DIPK1B: variants seen among roughly 807,000 people sequenced by gnomAD.
The protein encoded by DIPK1B is family with sequence similarity 69 member B.
DIPK1B carries 17 observed loss-of-function variants against 20.7 expected under a neutral mutation model. The ratio of observed to expected loss-of-function variants is 0.82; its 90% CI spans 0.56 to 1.23. The LOEUF is 1.23. DIPK1B is among the 50% of genes most tolerant of loss of function. The pLI is 0.00. For synonymous variants in DIPK1B, 343 were observed against 276.5 expected (o/e 1.24, Z -2.39); for missense variants, 648 against 601.8 (o/e 1.08, Z -0.80).
At chr9:136,721,606 C>T (rs1039889617) in intron 2 of DIPK1B, 6 of 334,592 alleles carry the variant, frequency 1.8e-5, no homozygotes, top group African/African-American at 4.2e-5. Flanking sequence ...CTGGCCCTGG[C>T]GTGGGGTCGA....
Position 136,724,080 on chromosome 9 carries a change from T to A in DIPK1B, c.*306T>A, listed in dbSNP as rs1846665822. The stretch of plus-strand genomic sequence containing the variant: ...CCTGAGCCCCCATCGATGCTGTGTG[T>A]GGGACCCTTCGCCCCGCTGTGGATC... On this transcript the variant is annotated 3_prime_UTR_variant, in exon 5 of 5. Transcript: ENST00000371692. The A allele has an allele frequency of 2.7e-6, 1 of 373,290 alleles. No individual in the cohort carries two copies. Among genetic ancestry groups the A allele is most frequent in the Non-Finnish European group, 5.0e-6 (1 of 200,640 alleles). The allele number at this position is 373,290 out of a possible 1,614,324, so 23.1% of individuals were successfully genotyped here.
chr9:136,715,509 CCTG>C (rs1846483650), intron 1 of DIPK1B, among the ~76,000 whole-genome samples: 1 of 151,546 alleles, frequency 6.6e-6, no homozygotes, highest in Non-Finnish European at 1.5e-5. Flanking sequence ...CCAGGGGCTG[CCTG>C]CTTACTTTTT....
At position 136,722,319 on chromosome 9, in the gene DIPK1B, G is replaced by A. The variant is rs1268299296; in HGVS notation, c.483+18G>A. The A allele has an allele frequency of 1.2e-6, 2 of 1,605,708 alleles. No homozygotes were observed. The highest frequency in any genetic ancestry group is 1.7e-6 in the Non-Finnish European group (2 of 1,175,884). ...TCCTCAAGGTCAGGCAGCTCTCCTA[G>A]GGGGCAGGGCAGGAGTCCACACCAC... is the stretch of plus-strand genomic sequence containing the variant. On this transcript the variant is annotated intron_variant, in intron 4 of 4. Transcript: ENST00000371692.
chr9:136,718,078 G>A (rs957888215), intron 2 of DIPK1B, among the ~76,000 whole-genome samples: 1 of 151,968 alleles, frequency 6.6e-6, no homozygotes. Flanking sequence ...AGAGACCCCC[G>A]TGTGGTGTCC....
rs144346906 is a variant in DIPK1B at position 136,717,710 on chromosome 9, T to C, written c.197T>C (p.Ile66Thr). ...RCRGHVCQVV[I>T]CDQYRKGIIS... The stretch of plus-strand genomic sequence containing the variant: ...CGCGGCCATGTCTGCCAGGTGGTCA[T>C]TGTAAGTGTTGCTTGTGCGGGCTGG... The change falls in exon 2 of 5, where the codon ATT (isoleucine) becomes ACT (threonine). Residue 66 changes from isoleucine to threonine, a missense_variant and splice_region_variant. Transcript: ENST00000371692. 1.1e-5 allele frequency: 18 copies of C among 1,610,896 alleles called. No homozygotes were observed. The African/African-American group carries it at 2.1e-4, about 19-fold the overall frequency.
At chr9:136,717,821 G>A (rs879208913) in intron 2 of DIPK1B, 110 bp downstream of exon 2, 4 of 1,512,674 alleles carry the variant, frequency 2.6e-6, no homozygotes, top group Non-Finnish European at 1.8e-6. Flanking sequence ...GGCCCACGAG[G>A]CACGTGGGTT....
chr9:136,722,892 G>A (rs532762672), intron 4 of DIPK1B, 70 bp from the exon 5 acceptor site: 45 of 1,463,956 alleles, frequency 3.1e-5, no homozygotes, highest in African/African-American at 1.4e-4. Context: ...GGAGGACCAG[G>A]TAAAGGCCAG....
Position 136,722,134 on chromosome 9 carries a change from G to A in DIPK1B, c.316G>A (p.Gly106Arg), listed in dbSNP as rs1846613908. ...SVAPGQQVYS[G>R]LWRDKDVTIK... ...CTGTGGCCCTGTCCAGGTGTACAGC[G>A]GGCTCTGGCGGGACAAGGATGTAAC... The change falls in exon 4 of 5, where the codon GGG (glycine) becomes AGG (arginine). Residue 106 changes from glycine (G) to arginine (R), a missense_variant. Gly to Arg is a moderately radical substitution (Grantham distance 125). Coordinates refer to ENST00000371692, the MANE Select transcript of DIPK1B (RefSeq NM_152421.4). 2.5e-6 allele frequency: 4 copies of A among 1,613,872 alleles called. No individual in the cohort carries two copies. The highest frequency in any genetic ancestry group is 2.2e-5 in the East Asian group (1 of 44,886).
Position 136,723,224 on chromosome 9 carries a change from G to T in DIPK1B, c.746G>T (p.Arg249Leu). ...WHAAALPPLL[R>L]PLLPPALQGA... ...GCGGCCGCCCTTCCACCCCTGTTGCGCCCACTGCTGCCGCCTGCCCTGCAG... is the reference window on the plus strand; with the variant it reads ...GCGGCCGCCCTTCCACCCCTGTTGCTCCCACTGCTGCCGCCTGCCCTGCAG... The change falls in exon 5 of 5, where the codon CGC becomes CTC. Residue 249 changes from arginine (R) to leucine (L), a missense_variant. Coordinates refer to ENST00000371692, the MANE Select transcript of DIPK1B (RefSeq NM_152421.4). The T allele has an allele frequency of 1.2e-6, 2 of 1,611,994 alleles. No individual in the cohort carries two copies. Among genetic ancestry groups the T allele is most frequent in the Non-Finnish European group, 1.7e-6 (2 of 1,179,608 alleles).
Position 136,712,797 on chromosome 9 carries a change from T to C in DIPK1B, c.63+69T>C. 2 of 1,146,994 alleles carry C rather than the reference T, an allele frequency of 1.7e-6. No homozygotes were observed. The highest frequency in any genetic ancestry group is 2.2e-6 in the Non-Finnish European group (2 of 902,868). The allele number at this position is 1,146,994 out of a possible 1,614,324, so 71.1% of individuals were successfully genotyped here. A position where few individuals can be genotyped will look rare whatever the true frequency, so the allele number is the denominator to read the frequency against. On this transcript the variant is annotated intron_variant, in intron 1 of 4. Transcript: ENST00000371692. The surrounding 1 kb of genome is among the most constrained non-coding windows in gnomAD (Gnocchi z 5.6). ...GGGAGGCCGAGCTCCAGCCCCGGAG[T>C]GGGCCGAGTACGGAGCGGGGCCCCG...
At chr9:136,715,065 C>T (rs974089205) in intron 1 of DIPK1B, among the ~76,000 whole-genome samples, 1 of 152,234 alleles carries the variant, frequency 6.6e-6, no homozygotes, top group Non-Finnish European at 1.5e-5. Context: ...GGGGTGTGGC[C>T]AGGCGCTGCC....
chr9:136,722,326 G>A (rs747605673), intron 4 of DIPK1B, 25 bp downstream of exon 4: 29 of 1,602,180 alleles, frequency 1.8e-5, no homozygotes, highest in South Asian at 2.2e-5. Context: ...CTAGGGGGCA[G>A]GGCAGGAGTC....
intron 1 of DIPK1B, among the ~76,000 whole-genome samples, chr9:136,715,857 C>T (rs1436766705): frequency 1.3e-5 from 2 of 152,134 alleles, no homozygotes; most frequent in Non-Finnish European, 2.9e-5. Flanking sequence ...TAAAGTGTAT[C>T]ATCTTAACCC....
At chr9:136,719,240 GC>G (rs1440025781) in intron 2 of DIPK1B, among the ~76,000 whole-genome samples, 2 of 152,132 alleles carry the variant, frequency 1.3e-5, no homozygotes, top group South Asian at 4.1e-4. Flanking sequence ...AGGAGGAGGT[GC>G]CCCCACAAAC....
chr9:136,722,903 G>A, intron 4 of DIPK1B, 59 bp from the exon 5 acceptor site: 1 of 1,498,674 alleles, frequency 6.7e-7, no homozygotes, highest in Non-Finnish European at 8.9e-7. Context: ...TAAAGGCCAG[G>A]TCGTGCTCCC....
chr9:136,723,623 C>T lies in DIPK1B; in HGVS notation c.1145C>T (p.Pro382Leu), dbSNP rs1425492480. Residue 382 changes from proline (P) to leucine (L), a missense_variant, in exon 5 of 5, where the codon CCC becomes CTC. Coordinates refer to ENST00000371692, the MANE Select transcript of DIPK1B (RefSeq NM_152421.4). ...CGGGGCTACCTGCTGCCTGGCGCGC[C>T]CGCCGACCTCCGCGAGGAGCTGGGC... ...LLRGYLLPGA[P>L]ADLREELGTQ... 1.3e-6 allele frequency: 2 copies of T among 1,576,900 alleles called. No homozygotes were observed. The highest frequency in any genetic ancestry group is 1.8e-5 in the Admixed American group (1 of 55,084).
intron 1 of DIPK1B, among the ~76,000 whole-genome samples, chr9:136,715,133 A>C (rs1158913454): frequency 6.6e-6 from 1 of 152,206 alleles, no homozygotes; most frequent in African/African-American, 2.4e-5. Flanking sequence ...AGGAGGCCAC[A>C]GGGAGTGCTT....
At chr9:136,718,284 G>T (rs1846534231) in intron 2 of DIPK1B, among the ~76,000 whole-genome samples, 1 of 150,850 alleles carries the variant, frequency 6.6e-6, no homozygotes, top group Non-Finnish European at 1.5e-5. Context: ...GTCCGGGATA[G>T]AGACCCCCGT....
Position 136,717,674 on chromosome 9 carries a change from C to T in DIPK1B, c.161C>T (p.Ser54Leu), listed in dbSNP as rs199875503. The T allele has an allele frequency of 1.3e-4, 208 of 1,610,334 alleles. 1 individual carries two copies. Among genetic ancestry groups the T allele is most frequent in the Non-Finnish European group, 1.6e-4 (188 of 1,179,972 alleles). The change falls in exon 2 of 5, where the codon TCG becomes TTG. Residue 54 changes from serine to leucine, a missense_variant. Physicochemically the swap from Ser to Leu is moderately radical, Grantham distance 145. Transcript: ENST00000371692. ...WLVYVHYSSY[S>L]ERCRGHVCQV... ...GTGTACGTGCACTACTCGTCCTACT[C>T]GGAGCGCTGTCGCGGCCATGTCTGC... is the stretch of plus-strand genomic sequence containing the variant.
Sources: allele counts gnomAD v4.1 joint callset (sites outside exome capture counted in the v4.1 genomes callset), GRCh38; gene constraint gnomAD v4.1.1; non-coding constraint Gnocchi (gnomAD v3.1); transcripts MANE v1.5; gene names NCBI Gene and HGNC (gene_info 2026-07-23, HGNC 2026-07-21).